Variants in ITGAE observed in about 807,000 individuals in gnomAD.
ITGAE encodes the protein integrin subunit alpha E, also known as integrin alpha-E.
A neutral mutation model predicts 136.5 loss-of-function variants in ITGAE; 99 were observed. The observed-to-expected ratio is 0.73, with a 90% CI of 0.62 to 0.86. The LOEUF (loss-of-function observed/expected upper bound fraction) is 0.86. ITGAE is among the 40% of genes least tolerant of loss of function. ITGAE has a pLI of 0.00. For missense variants in ITGAE, 1,447 were observed against 1,515.3 expected (o/e 0.95, Z 0.75); for synonymous variants, 613 against 591.8 (o/e 1.04, Z -0.52).
chr17:3,755,106 C>T lies in ITGAE; in HGVS notation c.1384+11G>A. On this transcript the variant is annotated intron_variant, in intron 12 of 30. Coordinates refer to ENST00000263087, the MANE Select transcript of ITGAE (RefSeq NM_002208.5). ...GGTGGCCCCGCCCTCATCAGGTGGC[C>T]CCGCCCTCACCCAGGTAGCTGTACT... is the stretch of plus-strand genomic sequence containing the variant. 1 of 1,582,966 alleles carries T rather than the reference C, an allele frequency of 6.3e-7. No homozygotes were observed. Among genetic ancestry groups the T allele is most frequent in the Non-Finnish European group, 8.6e-7 (1 of 1,168,294 alleles).
intron 1 of ITGAE, among the ~76,000 whole-genome samples, chr17:3,781,418 C>T (rs540966847): frequency 6.6e-6 from 1 of 151,890 alleles, no homozygotes; most frequent in South Asian, 2.1e-4. Flanking sequence ...GGCGCTATCT[C>T]GGCTCACTGC....
At chr17:3,745,202 T>G (rs1256503872) in intron 18 of ITGAE, among the ~76,000 whole-genome samples, 1 of 152,190 alleles carries the variant, frequency 6.6e-6, no homozygotes, top group Admixed American at 6.5e-5. Context: ...CAACTGACAT[T>G]CAGGCCCTCG....
intron 30 of ITGAE, among the ~76,000 whole-genome samples, chr17:3,716,158 G>A (rs2050939491): frequency 2.1e-5 from 3 of 140,980 alleles, no homozygotes; most frequent in African/African-American, 5.5e-5. Flanking sequence ...GCGAAAGAGC[G>A]GAACTCCGTC....
chr17:3,761,086 C>T lies in ITGAE; in HGVS notation c.525G>A (p.Arg175=). ...CCTCCTTCTCCAGAGCCCGGCGCTG[C>T]CTGGCTGTGTTCACATCGTCTTCTC... ...GGGEDDVNTA[R]QRRALEKEEE... The change falls in exon 6 of 31, where the codon AGG becomes AGA. Residue 175 remains arginine, a synonymous_variant. Transcript: ENST00000263087. 1 of 1,612,244 alleles carries T rather than the reference C, an allele frequency of 6.2e-7. No individual in the cohort carries two copies.
intron 9 of ITGAE, 128 bp downstream of exon 9, chr17:3,757,578 A>G: frequency 1.0e-6 from 1 of 1,000,700 alleles, no homozygotes; most frequent in South Asian, 1.5e-5. Context: ...TGGAGAGAAG[A>G]GGAGCATTTG....
intron 2 of ITGAE, among the ~76,000 whole-genome samples, chr17:3,764,979 A>G (rs919479928): frequency 1.3e-5 from 2 of 152,164 alleles, no homozygotes; most frequent in African/African-American, 4.8e-5. Flanking sequence ...ACCAAGTCCA[A>G]GGTCTTTCTG....
intron 26 of ITGAE, chr17:3,724,535 C>T: frequency 6.2e-7 from 1 of 1,614,082 alleles, no homozygotes; most frequent in Non-Finnish European, 8.5e-7. Context: ...CAGCCTCAGC[C>T]GTCCCGAGCG....
chr17:3,770,784 G>A (rs1186545413), intron 2 of ITGAE, among the ~76,000 whole-genome samples: 1 of 152,100 alleles, frequency 6.6e-6, no homozygotes, highest in Non-Finnish European at 1.5e-5. Flanking sequence ...CCAGCCCCTG[G>A]TGGACTCAGA....
At chr17:3,722,974 A>G (rs1381215196) in intron 28 of ITGAE, among the ~76,000 whole-genome samples, 1 of 152,222 alleles carries the variant, frequency 6.6e-6, no homozygotes, top group Non-Finnish European at 1.5e-5. Flanking sequence ...TTACAACGGC[A>G]GTGGAAATGG....
intron 2 of ITGAE, among the ~76,000 whole-genome samples, chr17:3,775,710 T>G (rs1403839471): frequency 6.6e-6 from 1 of 151,922 alleles, no homozygotes; most frequent in Non-Finnish European, 1.5e-5. Flanking sequence ...CCTCAGGTGA[T>G]CCACCGGCCT....
rs1256042133 is a variant in ITGAE, at chr17:3,796,107, C to G, written c.34+5004G>C. On this transcript the variant is annotated intron_variant, in intron 1 of 30. Coordinates refer to ENST00000263087, the MANE Select transcript of ITGAE (RefSeq NM_002208.5). ...TGTGTATGCATCCGTGTGTGTGCAT[C>G]CCTGTGTGCATCCCTGTGTGTGCAT... Among the ~76,000 whole-genome samples the G allele has an allele frequency of 3.0e-4, 8 of 26,936 alleles. No individual in the cohort carries two copies. In the East Asian group the frequency reaches 3.5e-3, roughly 12 times the overall value. 17.7% of individuals were successfully genotyped at this position (26,936 alleles called of 152,430 possible). A position where few individuals can be genotyped will look rare whatever the true frequency, so the allele number is the denominator to read the frequency against.
Position 3,765,221 on chromosome 17 carries a change from T to C in ITGAE, c.156-1261A>G, listed in dbSNP as rs191987363. 2.7e-4 allele frequency among the ~76,000 whole-genome samples: 41 copies of C among 151,114 alleles called. 1 individual carries two copies. Among genetic ancestry groups the C allele is most frequent in the Middle Eastern group, 3.4e-3 (1 of 294 alleles). On this transcript the variant is annotated intron_variant, in intron 2 of 30. Coordinates refer to ENST00000263087, the MANE Select transcript of ITGAE (RefSeq NM_002208.5). ...AAAATTAGCCGGGCGTGGTGGCGGG[T>C]GCCTGTAGTCCCAGCTACTCGGGAG... is the stretch of plus-strand genomic sequence containing the variant.
intron 2 of ITGAE, 117 bp downstream of exon 2, chr17:3,777,423 G>A: frequency 1.5e-6 from 2 of 1,311,548 alleles, no homozygotes; most frequent in Non-Finnish European, 2.1e-6. Flanking sequence ...GAAAGAGAAA[G>A]GAGTTCCTCT....
At chr17:3,769,464 G>A (rs972691587) in intron 2 of ITGAE, among the ~76,000 whole-genome samples, 1 of 152,172 alleles carries the variant, frequency 6.6e-6, no homozygotes, top group Non-Finnish European at 1.5e-5. Context: ...ATGGCCTGGG[G>A]CCCTCTGAGC....
intron 17 of ITGAE, among the ~76,000 whole-genome samples, chr17:3,746,442 T>C (rs1384717782): frequency 2.0e-5 from 3 of 148,278 alleles, no homozygotes; most frequent in African/African-American, 7.4e-5. Context: ...TGTTATTTTC[T>C]TTTTTTTTTC....
chr17:3,723,916 C>G lies in ITGAE; in HGVS notation c.3085-172G>C, dbSNP rs775312642. 7.8e-6 allele frequency: 12 copies of G among 1,541,594 alleles called. No individual in the cohort carries two copies. In the South Asian group the frequency reaches 1.4e-4, roughly 17 times the overall value. On this transcript the variant is annotated intron_variant, in intron 26 of 30. Coordinates refer to ENST00000263087, the MANE Select transcript of ITGAE (RefSeq NM_002208.5). ...AAGTCTCGCGATGTTTGCGTTTGAA[C>G]CTCTTGGCGGGTGCCGGCCATGGCG...
intron 19 of ITGAE, among the ~76,000 whole-genome samples, chr17:3,740,567 G>T (rs993909312): frequency 2.6e-5 from 4 of 152,146 alleles, no homozygotes; most frequent in African/African-American, 9.7e-5. Context: ...TTAGAGAAAG[G>T]GTTTCGCCAT....
intron 1 of ITGAE, among the ~76,000 whole-genome samples, chr17:3,789,744 GC>G (rs1199694277): frequency 2.6e-5 from 4 of 152,018 alleles, no homozygotes; most frequent in African/African-American, 7.2e-5. Flanking sequence ...CAAGTAATCT[GC>G]CCCCACTTGG....
chr17:3,759,927 GC>G, intron 7 of ITGAE, among the ~76,000 whole-genome samples: 1 of 152,162 alleles, frequency 6.6e-6, no homozygotes, highest in Non-Finnish European at 1.5e-5. Flanking sequence ...AGTTGGGCTG[GC>G]CTGCTAAAGA....
Sources: allele counts gnomAD v4.1 joint callset (sites outside exome capture counted in the v4.1 genomes callset), GRCh38; gene constraint gnomAD v4.1.1; transcripts MANE v1.5; gene names NCBI Gene and HGNC (gene_info 2026-07-23, HGNC 2026-07-21).